The following RSPH9 variants were observed in gnomAD, a reference collection of about 807,000 sequenced individuals.
RSPH9 encodes radial spoke head component 9.
A neutral mutation model predicts 27.0 loss-of-function variants in RSPH9; 27 were observed. That is an observed-to-expected ratio of 1.00 (90% confidence interval 0.74 to 1.38). The LOEUF is 1.38. RSPH9 is among the 40% of genes most tolerant of loss of function. The pLI is 0.00. For synonymous variants in RSPH9, 145 were observed against 147.7 expected (o/e 0.98, Z 0.13); for missense variants, 347 against 357.4 (o/e 0.97, Z 0.24).
Position 43,650,028 on chromosome 6 carries a change from C to T in RSPH9, c.228-347C>T, listed in dbSNP as rs140584574. ...TCCCTGGTTCAAGCGATTCTCCTGC[C>T]TTAGCCTCCTGAGTAGCTGGGACTA... On this transcript the variant is annotated intron_variant, in intron 1 of 4. Transcript: ENST00000372163. Among the ~76,000 whole-genome samples the T allele has an allele frequency of 1.5e-3, 228 of 152,270 alleles. 6 individuals are homozygous for T. Among genetic ancestry groups the T allele is most frequent in the African/African-American group, 5.1e-3 (210 of 41,544 alleles).
intron 4 of RSPH9, among the ~76,000 whole-genome samples, chr6:43,668,190 A>T (rs1438664300): frequency 6.6e-6 from 1 of 152,200 alleles, no homozygotes; most frequent in Admixed American, 6.5e-5. Flanking sequence ...AGGCGGTGAC[A>T]GCAGCTGGCT....
At position 43,645,334 on chromosome 6, in the gene RSPH9, GCCCCC is replaced by G; in HGVS notation, c.227+10_227+14del. The G allele has an allele frequency of 8.3e-7, 1 of 1,199,410 alleles. No homozygotes were observed. The highest frequency in any genetic ancestry group is 1.1e-6 in the Non-Finnish European group (1 of 932,408). The allele number at this position is 1,199,410 out of a possible 1,614,324, so 74.3% of individuals were successfully genotyped here. On this transcript the variant is annotated intron_variant, in intron 1 of 4. Transcript: ENST00000372163. ...CGCAAGACGCTCTATAGGTGAGGAG[GCCCCC>G]GGGACGGGCTCCCCAGAGGGTGGCT...
chr6:43,646,744 C>T (rs1770913057), intron 1 of RSPH9, among the ~76,000 whole-genome samples: 1 of 150,342 alleles, frequency 6.7e-6, no homozygotes, highest in Middle Eastern at 3.5e-3. Flanking sequence ...GGGCGGATCA[C>T]GAGGTCAGGA....
chr6:43,645,318 C>T lies in RSPH9; in HGVS notation c.220C>T (p.Leu74Phe), dbSNP rs377308353. 13 of 1,416,558 alleles carry T rather than the reference C, an allele frequency of 9.2e-6. No individual in the cohort carries two copies. Among genetic ancestry groups the T allele is most frequent in the African/African-American group, 1.5e-5 (1 of 67,626 alleles). 87.7% of individuals were successfully genotyped at this position (1,416,558 alleles called of 1,614,324 possible). ...SEDQLAPRKTLYSLNCTEWSL... is the reference protein window; with the variant it reads ...SEDQLAPRKTFYSLNCTEWSL... ...GGACCAGCTCGCACCGCGCAAGACG[C>T]TCTATAGGTGAGGAGGCCCCCGGGA... Residue 74 changes from leucine (L) to phenylalanine (F), a missense_variant, in exon 1 of 5, where the codon CTC becomes TTC. Physicochemically the swap from Leu to Phe is conservative, Grantham distance 22. Transcript: ENST00000372163.
At chr6:43,645,391 G>GGGGGGGGGGGT in intron 1 of RSPH9, 66 bp downstream of exon 1, 1 of 400,202 alleles carries the variant, frequency 2.5e-6, no homozygotes, top group Non-Finnish European at 5.0e-6. Flanking sequence ...GGGTGGGCGG[G>GGGGGGGGGGGT]TCGCAGCAAT....
chr6:43,666,950 C>T (rs1236522666), intron 4 of RSPH9, among the ~76,000 whole-genome samples: 1 of 152,138 alleles, frequency 6.6e-6, no homozygotes, highest in Non-Finnish European at 1.5e-5. Context: ...CACCATGTTG[C>T]CCAGGCTGCT....
intron 4 of RSPH9, among the ~76,000 whole-genome samples, chr6:43,662,400 T>C (rs1165984043): frequency 6.6e-6 from 1 of 150,930 alleles, no homozygotes; most frequent in African/African-American, 2.4e-5. Flanking sequence ...GGAGTCTTGC[T>C]CTGTCGCCCA....
At chr6:43,650,650 T>A in intron 2 of RSPH9, 110 bp downstream of exon 2, 2 of 1,143,756 alleles carry the variant, frequency 1.7e-6, no homozygotes, top group East Asian at 2.4e-5. Flanking sequence ...CTCACGCCTG[T>A]AATCTCAGCA....
At chr6:43,661,002 C>T (rs1772556607) in intron 4 of RSPH9, among the ~76,000 whole-genome samples, 1 of 152,170 alleles carries the variant, frequency 6.6e-6, no homozygotes, top group African/African-American at 2.4e-5. Flanking sequence ...CATCAGGGCT[C>T]TTGTACATCT....
At chr6:43,661,759 G>T (rs80351252) in intron 4 of RSPH9, among the ~76,000 whole-genome samples, 2,406 of 151,584 alleles carry the variant, frequency 0.016, 34 homozygotes, top group South Asian at 0.059. Flanking sequence ...TAGTGTAGCC[G>T]CCTTAATCAG....
chr6:43,656,032 CCTTCCCCTTCTTT>C (rs200452744), intron 3 of RSPH9, among the ~76,000 whole-genome samples: 10,604 of 117,004 alleles, frequency 0.091, 473 homozygotes, highest in African/African-American at 0.15. Flanking sequence ...TTCCTTCCTT[CCTTCCCCTTCTTT>C]CCCTTCTTTC....
chr6:43,672,361 TATAA>T lies in RSPH9; in HGVS notation c.*1413_*1416del, dbSNP rs1773773649. On this transcript the variant is annotated 3_prime_UTR_variant, in exon 5 of 5. Transcript: ENST00000372163. ...GAACTCCCCAGGGTACTATAACTGGTATAAGACCCCTGCCCCTCACCCAACCTGT... is the reference window on the plus strand; with the variant it reads ...GAACTCCCCAGGGTACTATAACTGGTGACCCCTGCCCCTCACCCAACCTGT... 1 of 472,184 alleles carries T rather than the reference TATAA, an allele frequency of 2.1e-6. No homozygotes were observed. Among genetic ancestry groups the T allele is most frequent in the Non-Finnish European group, 4.4e-6 (1 of 227,616 alleles). 29.2% of individuals were successfully genotyped at this position (472,184 alleles called of 1,614,324 possible).
intron 3 of RSPH9, among the ~76,000 whole-genome samples, chr6:43,656,236 C>T (rs1442719529): frequency 6.6e-6 from 1 of 152,132 alleles, no homozygotes; most frequent in Non-Finnish European, 1.5e-5. Flanking sequence ...CAGACACCCT[C>T]TACCACGCTC....
chr6:43,672,031 T>C lies in RSPH9; in HGVS notation c.*1082T>C, dbSNP rs1773733471. 8.8e-6 allele frequency: 10 copies of C among 1,141,662 alleles called. No homozygotes were observed. Among genetic ancestry groups the C allele is most frequent in the Non-Finnish European group, 1.2e-5 (10 of 827,138 alleles). The allele number at this position is 1,141,662 out of a possible 1,614,324, so 70.7% of individuals were successfully genotyped here. A position where few individuals can be genotyped will look rare whatever the true frequency, so the allele number is the denominator to read the frequency against. On this transcript the variant is annotated 3_prime_UTR_variant, in exon 5 of 5. Transcript: ENST00000372163. ...AAGCAAATCCTTTCACCAGTTTCCC[T>C]TTCCTGAAGTGCAGGGATTTTCCTG...
intron 3 of RSPH9, 55 bp downstream of exon 3, chr6:43,655,746 T>G (rs1771935893): frequency 6.3e-7 from 1 of 1,599,596 alleles, no homozygotes; most frequent in Non-Finnish European, 8.6e-7. Context: ...CCAAGCACAG[T>G]AGAACATATG....
At chr6:43,652,035 G>A (rs1290221119) in intron 2 of RSPH9, among the ~76,000 whole-genome samples, 3 of 152,036 alleles carry the variant, frequency 2.0e-5, no homozygotes, top group Non-Finnish European at 2.9e-5. Context: ...GGCCAGGCAC[G>A]GTGGCTCATG....
chr6:43,658,127 TA>T (rs1351332035), intron 4 of RSPH9, among the ~76,000 whole-genome samples: 1 of 151,672 alleles, frequency 6.6e-6, no homozygotes, highest in Non-Finnish European at 1.5e-5. Flanking sequence ...CCGTCTCTAC[TA>T]AAAATAGAAA....
At position 43,645,098 on chromosome 6, in the gene RSPH9, G is replaced by A. The variant is rs371170892; in HGVS notation, c.-1G>A. On this transcript the variant is annotated 5_prime_UTR_variant, in exon 1 of 5. Transcript: ENST00000372163. Reference sequence around the variant, plus strand: ...GGGCGTTGAGCGGAGCCGCTGACCTGATGGACGCCGACAGCCTCCTGCTGT... The same window carrying A: ...GGGCGTTGAGCGGAGCCGCTGACCTAATGGACGCCGACAGCCTCCTGCTGT... 23 of 1,610,686 alleles carry A rather than the reference G, an allele frequency of 1.4e-5. No homozygotes were observed. The highest frequency in any genetic ancestry group is 2.7e-5 in the African/African-American group (2 of 74,950).
intron 4 of RSPH9, among the ~76,000 whole-genome samples, chr6:43,658,889 A>G (rs1329672667): frequency 6.6e-6 from 1 of 151,784 alleles, no homozygotes; most frequent in Non-Finnish European, 1.5e-5. Flanking sequence ...GGGTTTCACC[A>G]CATTGGCCAG....
Sources: allele counts gnomAD v4.1 joint callset (sites outside exome capture counted in the v4.1 genomes callset), GRCh38; gene constraint gnomAD v4.1.1; transcripts MANE v1.5; gene names NCBI Gene and HGNC (gene_info 2026-07-23, HGNC 2026-07-21).